The following ENDOD1 variants were observed in gnomAD, a reference collection of about 807,000 sequenced individuals.
ENDOD1 encodes endonuclease domain containing 1.
A neutral mutation model predicts 6.5 loss-of-function variants in ENDOD1; 9 were observed. The ratio of observed to expected loss-of-function variants is 1.39; its 90% CI spans 0.84 to 2.43. The LOEUF (loss-of-function observed/expected upper bound fraction) is 2.43, where lower values mean the gene tolerates loss of function less well. Ranked by LOEUF, ENDOD1 falls within the 30% of genes most tolerant of loss-of-function variation. ENDOD1 has a pLI of 0.00. For missense variants in ENDOD1, 648 were observed against 635.5 expected, an observed-to-expected ratio of 1.02 and a Z score of -0.21; for synonymous variants, 255 against 255.2, an observed-to-expected ratio of 1.00 and a Z score of 0.01.
At chr11:95,091,454 T>C (rs1306818623) in intron 1 of ENDOD1, among the ~76,000 whole-genome samples, 2 of 152,236 alleles carry the variant, frequency 1.3e-5, no homozygotes, top group Non-Finnish European at 2.9e-5. Flanking sequence ...AGATCAGGCA[T>C]GTGAAAAAGA....
intron 1 of ENDOD1, among the ~76,000 whole-genome samples, chr11:95,092,235 C>G (rs1317839811): frequency 1.3e-5 from 2 of 151,952 alleles, no homozygotes; most frequent in Middle Eastern, 3.2e-3. Context: ...GAAGTTGGAA[C>G]AGGTAAACTA....
chr11:95,117,535 T>C (rs1859222861), intron 1 of ENDOD1, among the ~76,000 whole-genome samples: 2 of 152,248 alleles, frequency 1.3e-5, no homozygotes, highest in South Asian at 2.1e-4. Context: ...TTGTCTCTTA[T>C]AGTATTTGTC....
chr11:95,109,485 C>T (rs1176476688), intron 1 of ENDOD1, among the ~76,000 whole-genome samples: 1 of 152,248 alleles, frequency 6.6e-6, no homozygotes, highest in Non-Finnish European at 1.5e-5. Flanking sequence ...CCCTGGTGTG[C>T]AGGACCATCA....
At chr11:95,113,236 C>G (rs1555112128) in intron 1 of ENDOD1, among the ~76,000 whole-genome samples, 1 of 151,998 alleles carries the variant, frequency 6.6e-6, no homozygotes. Context: ...CTTTATGTTA[C>G]CAACAATCCA....
intron 1 of ENDOD1, among the ~76,000 whole-genome samples, chr11:95,117,815 C>T (rs1381852008): frequency 6.6e-6 from 1 of 151,934 alleles, no homozygotes; most frequent in Non-Finnish European, 1.5e-5. Flanking sequence ...TTCTGGTTGT[C>T]TTGTGGTCAT....
In ENDOD1 at chr11:95,128,885, G is replaced by A. The variant is rs566944930; in HGVS notation, c.809G>A (p.Gly270Asp). The A allele has an allele frequency of 1.2e-6, 2 of 1,614,104 alleles. No individual in the cohort carries two copies. The highest frequency in any genetic ancestry group is 1.1e-5 in the South Asian group (1 of 91,080). Residue 270 changes from glycine to aspartate, a missense_variant, in exon 2 of 2, where the codon GGT becomes GAT. Transcript: ENST00000278505. ...CCTCAGCTGTTTCAGAACAACTGTG[G>A]TGAAACTGAGCAAGACACAGAGAAA... ...FNPQLFQNNCGETEQDTEKMK... is the reference protein window; with the variant it reads ...FNPQLFQNNCDETEQDTEKMK...
At chr11:95,118,489 C>T (rs1446456611) in intron 1 of ENDOD1, among the ~76,000 whole-genome samples, 3 of 152,148 alleles carry the variant, frequency 2.0e-5, no homozygotes, top group Non-Finnish European at 4.4e-5. Context: ...TGCCACTCTC[C>T]CCTGGCCTGT....
intron 1 of ENDOD1, among the ~76,000 whole-genome samples, chr11:95,117,080 G>A (rs1331587485): frequency 6.6e-6 from 1 of 152,168 alleles, no homozygotes; most frequent in African/African-American, 2.4e-5. Flanking sequence ...AGCTATTGTT[G>A]TATTGAGGTG....
intron 1 of ENDOD1, among the ~76,000 whole-genome samples, chr11:95,101,561 A>T (rs1332279597): frequency 2.6e-5 from 4 of 151,670 alleles, no homozygotes; most frequent in Non-Finnish European, 4.4e-5. Flanking sequence ...TATGGTGAAA[A>T]TTTTTTTTTA....
chr11:95,123,114 G>A (rs971818577), intron 1 of ENDOD1, among the ~76,000 whole-genome samples: 1 of 151,706 alleles, frequency 6.6e-6, no homozygotes, highest in African/African-American at 2.4e-5. Context: ...GCTTGAACCC[G>A]GTAGGCGGAG....
chr11:95,121,391 A>G lies in ENDOD1; in HGVS notation c.301-6986A>G, dbSNP rs78248971. Among the ~76,000 whole-genome samples, 546 of 152,320 alleles carry G rather than the reference A, an allele frequency of 3.6e-3. 4 individuals carry two copies. Among genetic ancestry groups the G allele is most frequent in the African/African-American group, 0.012 (480 of 41,568 alleles). ...AGTTAGCTCAGCCCCTTCCTGATTT[A>G]TTAATAATACATGTGGAGCTCATAG... On this transcript the variant is annotated intron_variant, in intron 1 of 1. Transcript: ENST00000278505.
intron 1 of ENDOD1, among the ~76,000 whole-genome samples, chr11:95,115,086 G>A (rs573208113): frequency 3.3e-4 from 51 of 152,284 alleles, no homozygotes; most frequent in African/African-American, 1.1e-3. Flanking sequence ...GCTTTGGGTA[G>A]TATGGACATT....
At position 95,130,534 on chromosome 11, in the gene ENDOD1, CAT is replaced by C. The variant is rs1483487846; in HGVS notation, c.*957_*958del. 1 of 152,018 alleles carries C rather than the reference CAT, an allele frequency of 6.6e-6. No homozygotes were observed. The highest frequency in any genetic ancestry group is 1.5e-5 in the Non-Finnish European group (1 of 68,000). The allele number at this position is 152,018 out of a possible 1,614,324, so 9.4% of individuals were successfully genotyped here. On this transcript the variant is annotated 3_prime_UTR_variant, in exon 2 of 2. Transcript: ENST00000278505. The stretch of plus-strand genomic sequence containing the variant: ...TAACATGAAAATTCATATTCTGCAA[CAT>C]AGTAGATTTTTCTAATGCATGAAAT...
Position 95,130,591 on chromosome 11 carries a change from C to T in ENDOD1, c.*1012C>T, listed in dbSNP as rs1284041866. ...ACCCAGCACAGTAAAAATACTCTGA[C>T]TTATGTCCCTAAATGGTTGTTTTGA... On this transcript the variant is annotated 3_prime_UTR_variant, in exon 2 of 2. Transcript: ENST00000278505. The T allele has an allele frequency of 6.6e-6, 1 of 151,998 alleles. No individual in the cohort carries two copies. The highest frequency in any genetic ancestry group is 1.9e-4 in the East Asian group (1 of 5,196). 9.4% of individuals were successfully genotyped at this position (151,998 alleles called of 1,614,324 possible).
intron 1 of ENDOD1, among the ~76,000 whole-genome samples, chr11:95,103,100 G>GTGTGTGTGTGTGT (rs1555111075): frequency 2.3e-5 from 2 of 85,552 alleles, no homozygotes; most frequent in African/African-American, 6.4e-5. Flanking sequence ...AGGCAGAGTG[G>GTGTGTGTGTGTGT]GTGTGTGTGT....
At position 95,089,880 on chromosome 11, in the gene ENDOD1, G is replaced by GCCGCGGCAGCCCAGCCGCTCGGCC; in HGVS notation, c.-43_-20dup. ...TCCCCGCCCAGCCTGCAGAGCTCGC[G>GCCGCGGCAGCCCAGCCGCTCGGCC]CCGCGGCAGCCCAGCCGCTCGGCCC... On this transcript the variant is annotated 5_prime_UTR_variant, in exon 1 of 2. Transcript: ENST00000278505. 2 of 1,288,414 alleles carry GCCGCGGCAGCCCAGCCGCTCGGCC rather than the reference G, an allele frequency of 1.6e-6. No individual in the cohort carries two copies. The highest frequency in any genetic ancestry group is 9.8e-7 in the Non-Finnish European group (1 of 1,015,604). The allele number at this position is 1,288,414 out of a possible 1,614,324, so 79.8% of individuals were successfully genotyped here. A position where few individuals can be genotyped will look rare whatever the true frequency, so the allele number is the denominator to read the frequency against.
At position 95,108,809 on chromosome 11, in the gene ENDOD1, C is replaced by T. The variant is rs544418476; in HGVS notation, c.300+18582C>T. 1.1e-4 allele frequency among the ~76,000 whole-genome samples: 16 copies of T among 152,250 alleles called. No homozygotes were observed. In the East Asian group the frequency reaches 3.1e-3, roughly 29 times the overall value. On this transcript the variant is annotated intron_variant, in intron 1 of 1. Transcript: ENST00000278505. ...GGGTATTTCCCATGGTAAGTAGGTT[C>T]TCCTAGGACTCACCCGAGCCTCAGA... is the stretch of plus-strand genomic sequence containing the variant.
chr11:95,119,057 C>G (rs1481744242), intron 1 of ENDOD1, among the ~76,000 whole-genome samples: 22 of 152,146 alleles, frequency 1.4e-4, no homozygotes, highest in African/African-American at 5.3e-4. Flanking sequence ...TGATAAAATT[C>G]TGAATTCCTT....
chr11:95,109,491 C>T (rs145487755), intron 1 of ENDOD1, among the ~76,000 whole-genome samples: 1,800 of 152,386 alleles, frequency 0.012, 16 homozygotes, highest in Non-Finnish European at 0.019. Context: ...TGTGCAGGAC[C>T]ATCATGCTAG....
Sources: allele counts gnomAD v4.1 joint callset (sites outside exome capture counted in the v4.1 genomes callset), GRCh38; gene constraint gnomAD v4.1.1; transcripts MANE v1.5; gene names NCBI Gene and HGNC (gene_info 2026-07-23, HGNC 2026-07-21).